The following SGPP2 variants were observed in gnomAD, a reference collection of about 807,000 sequenced individuals.
The protein encoded by SGPP2 is sphingosine-1-phosphate phosphatase 2, also known as sphingosine 1-phosphate phosphohydrolase 2.
Under a neutral mutation model 33.9 loss-of-function variants are expected in SGPP2, and 30 were observed. The ratio of observed to expected loss-of-function variants is 0.89; its 90% CI spans 0.66 to 1.20. The LOEUF (loss-of-function observed/expected upper bound fraction) is 1.20, where lower values mean the gene tolerates loss of function less well. Among genes scored for constraint, SGPP2 ranks in the 50% most tolerant of loss-of-function variants. SGPP2 has a pLI of 0.00. For synonymous variants in SGPP2, 233 were observed against 225.0 expected, an observed-to-expected ratio of 1.04 and a Z score of -0.32; for missense variants, 458 against 532.1, an observed-to-expected ratio of 0.86 and a Z score of 1.37.
chr2:222,526,277 G>A (rs1698757608), intron 4 of SGPP2, among the ~76,000 whole-genome samples: 1 of 152,206 alleles, frequency 6.6e-6, no homozygotes, highest in Admixed American at 6.5e-5. Context: ...TGCCTCAGCT[G>A]CTTCACCTCA....
chr2:222,483,156 T>C (rs981066644), intron 2 of SGPP2, among the ~76,000 whole-genome samples: 1 of 152,204 alleles, frequency 6.6e-6, no homozygotes, highest in African/African-American at 2.4e-5. Context: ...TTGTCTTGTG[T>C]TTTGAATCAC....
intron 4 of SGPP2, 128 bp from the exon 5 acceptor site, chr2:222,558,219 G>A: frequency 9.7e-7 from 1 of 1,029,336 alleles, no homozygotes; most frequent in Non-Finnish European, 1.4e-6. Context: ...CTTTGAACAT[G>A]TACTGTAAAA....
intron 4 of SGPP2, among the ~76,000 whole-genome samples, chr2:222,526,393 C>T (rs901095047): frequency 4.1e-4 from 62 of 152,290 alleles, no homozygotes; most frequent in African/African-American, 1.4e-3. Flanking sequence ...TCCCAAGGCA[C>T]GTCCTTGCTG....
intron 4 of SGPP2, among the ~76,000 whole-genome samples, chr2:222,536,646 C>T (rs1355095471): frequency 6.6e-6 from 1 of 152,102 alleles, no homozygotes; most frequent in African/African-American, 2.4e-5. Flanking sequence ...CGCCACTGCA[C>T]TCCTGCCTGG....
At chr2:222,489,834 G>A (rs1027229663) in intron 2 of SGPP2, among the ~76,000 whole-genome samples, 4 of 151,958 alleles carry the variant, frequency 2.6e-5, no homozygotes, top group South Asian at 4.2e-4. Context: ...GCATCGTGGC[G>A]CATGCCTGTA....
intron 2 of SGPP2, among the ~76,000 whole-genome samples, chr2:222,511,910 T>C (rs1323868118): frequency 6.6e-6 from 1 of 152,116 alleles, no homozygotes; most frequent in Non-Finnish European, 1.5e-5. Flanking sequence ...AACTCCTGGG[T>C]CAAGTGATCC....
At chr2:222,427,801 C>A (rs558868715) in intron 1 of SGPP2, among the ~76,000 whole-genome samples, 1 of 152,254 alleles carries the variant, frequency 6.6e-6, no homozygotes, top group Admixed American at 6.5e-5. Flanking sequence ...CAAGTGTTTC[C>A]TGTTTTCAAG....
intron 2 of SGPP2, among the ~76,000 whole-genome samples, chr2:222,521,382 C>T (rs574353228): frequency 4.6e-5 from 7 of 152,264 alleles, no homozygotes; most frequent in African/African-American, 1.7e-4. Context: ...GACTGTGTGC[C>T]TGTGGATGAG....
intron 1 of SGPP2, among the ~76,000 whole-genome samples, chr2:222,426,224 A>AG (rs1474125529): frequency 6.6e-6 from 1 of 151,240 alleles, no homozygotes; most frequent in Non-Finnish European, 1.5e-5. Flanking sequence ...AAAAAAAAAA[A>AG]AAAAAAAAAA....
intron 2 of SGPP2, among the ~76,000 whole-genome samples, chr2:222,507,584 G>T (rs1698463700): frequency 6.6e-6 from 1 of 152,056 alleles, no homozygotes; most frequent in Non-Finnish European, 1.5e-5. Context: ...GTAGAAAAGG[G>T]TTTTCTTAGC....
intron 1 of SGPP2, among the ~76,000 whole-genome samples, chr2:222,445,799 T>C (rs1198587581): frequency 6.6e-6 from 1 of 152,192 alleles, no homozygotes; most frequent in Non-Finnish European, 1.5e-5. Context: ...CTCTGAATCC[T>C]CCCAATGCCA....
intron 1 of SGPP2, among the ~76,000 whole-genome samples, chr2:222,428,941 A>G (rs1276480994): frequency 1.3e-5 from 2 of 151,566 alleles, no homozygotes; most frequent in South Asian, 2.1e-4. Flanking sequence ...ACAGGCATGC[A>G]CCACCATGTC....
intron 2 of SGPP2, among the ~76,000 whole-genome samples, chr2:222,491,406 C>T (rs1012286667): frequency 6.6e-6 from 1 of 152,162 alleles, no homozygotes; most frequent in Non-Finnish European, 1.5e-5. Flanking sequence ...TGACCCACAG[C>T]TCTGCATGGC....
intron 1 of SGPP2, among the ~76,000 whole-genome samples, chr2:222,455,161 A>G (rs1055538644): frequency 1.5e-4 from 23 of 152,070 alleles, no homozygotes; most frequent in African/African-American, 3.9e-4. Flanking sequence ...CTTGACCCCA[A>G]GAGTTCAAGA....
In SGPP2 at chr2:222,561,641, T is replaced by C. The variant is rs1267772552; in HGVS notation, c.*2743T>C. Among the ~76,000 whole-genome samples, 7 of 151,888 alleles carry C rather than the reference T, an allele frequency of 4.6e-5. No homozygotes were observed. The East Asian group carries it at 1.3e-3, about 29-fold the overall frequency. ...ATATTGATATATTTAAGGCTGTACT[T>C]AACTAATTTGGGCTGAGGATGAATA... On this transcript the variant is annotated 3_prime_UTR_variant, in exon 5 of 5. Coordinates refer to ENST00000321276, the MANE Select transcript of SGPP2 (RefSeq NM_152386.4).
At chr2:222,475,959 G>T (rs1411497153) in intron 2 of SGPP2, among the ~76,000 whole-genome samples, 1 of 152,208 alleles carries the variant, frequency 6.6e-6, no homozygotes, top group African/African-American at 2.4e-5. Context: ...GGCCTGGCAT[G>T]TGGAGGACTC....
rs1488974380 is a variant in SGPP2, at chr2:222,464,164, ATG to A, written c.220-10400_220-10399del. On this transcript the variant is annotated intron_variant, in intron 1 of 4. Transcript: ENST00000321276. The stretch of plus-strand genomic sequence containing the variant: ...ATTAAATGGAAAAATGTTCGGTTCA[ATG>A]TGTTTCAGGTTTTAGCAGATCCAAG... Among the ~76,000 whole-genome samples, 6 of 152,342 alleles carry A rather than the reference ATG, an allele frequency of 3.9e-5. No individual in the cohort carries two copies. In the South Asian group the frequency reaches 1.2e-3, roughly 32 times the overall value.
chr2:222,469,270 G>A (rs749522747), intron 1 of SGPP2, among the ~76,000 whole-genome samples: 26 of 152,126 alleles, frequency 1.7e-4, no homozygotes, highest in Non-Finnish European at 3.1e-4. Flanking sequence ...CGCAACCTCC[G>A]CCCCTCCAGG....
intron 2 of SGPP2, among the ~76,000 whole-genome samples, chr2:222,507,357 T>A (rs570074711): frequency 2.6e-5 from 4 of 152,332 alleles, no homozygotes; most frequent in African/African-American, 9.6e-5. Context: ...TCTGAGACTA[T>A]CTTTAAGATT....
Sources: allele counts gnomAD v4.1 joint callset (sites outside exome capture counted in the v4.1 genomes callset), GRCh38; gene constraint gnomAD v4.1.1; transcripts MANE v1.5; gene names NCBI Gene and HGNC (gene_info 2026-07-23, HGNC 2026-07-21).